The following AGBL4 variants were observed in gnomAD, a reference collection of about 807,000 sequenced individuals.
The protein encoded by AGBL4 is cytosolic carboxypeptidase 6.
AGBL4 carries 58 observed loss-of-function variants against 66.4 expected under a neutral mutation model. The ratio of observed to expected loss-of-function variants is 0.87; its 90% CI spans 0.71 to 1.09. The LOEUF (loss-of-function observed/expected upper bound fraction) is 1.09. Among genes scored for constraint, AGBL4 ranks in the 50% least tolerant of loss-of-function variants. The probability of loss-of-function intolerance (pLI) is 0.00; values close to 1 mark genes in which losing one functional copy is unlikely to be tolerated. For missense variants in AGBL4, 579 were observed against 631.0 expected, an observed-to-expected ratio of 0.92 and a Z score of 0.88; for synonymous variants, 234 against 222.9, an observed-to-expected ratio of 1.05 and a Z score of -0.44.
intron 3 of AGBL4, among the ~76,000 whole-genome samples, chr1:49,552,614 C>G (rs956901895): frequency 1.3e-5 from 2 of 152,196 alleles, no homozygotes; most frequent in Non-Finnish European, 2.9e-5. Context: ...GAGGCTCTCC[C>G]TCTCCCACCT....
intron 5 of AGBL4, among the ~76,000 whole-genome samples, chr1:48,894,464 C>T (rs1314011635): frequency 6.6e-6 from 1 of 152,162 alleles, no homozygotes; most frequent in African/African-American, 2.4e-5. Context: ...AAGTCATCTT[C>T]AGGGGCCCCA....
chr1:49,512,543 G>T (rs1649366515), intron 3 of AGBL4, among the ~76,000 whole-genome samples: 1 of 151,574 alleles, frequency 6.6e-6, no homozygotes. Flanking sequence ...GGCATTTCCT[G>T]CCACCCCCCC....
intron 1 of AGBL4, among the ~76,000 whole-genome samples, chr1:50,022,379 A>G (rs990567375): frequency 1.3e-5 from 2 of 152,224 alleles, no homozygotes; most frequent in African/African-American, 4.8e-5. Flanking sequence ...TGCCAGGCAT[A>G]TAGTTAGCAC....
intron 3 of AGBL4, among the ~76,000 whole-genome samples, chr1:49,399,642 T>C (rs1316867241): frequency 6.6e-6 from 1 of 152,180 alleles, no homozygotes; most frequent in Admixed American, 6.5e-5. Flanking sequence ...TTGTATGTCT[T>C]CTTTTCAGAA....
At chr1:49,714,351 T>A (rs1571387978) in intron 2 of AGBL4, among the ~76,000 whole-genome samples, 1 of 151,920 alleles carries the variant, frequency 6.6e-6, no homozygotes, top group African/African-American at 2.4e-5. Flanking sequence ...CTCGTCCCCC[T>A]CCAAAGCATC....
chr1:49,567,589 T>G (rs1390462538), intron 3 of AGBL4, among the ~76,000 whole-genome samples: 5 of 152,222 alleles, frequency 3.3e-5, no homozygotes, highest in African/African-American at 9.6e-5. Context: ...TTTGTTATTT[T>G]TCAGTTCCTG....
Position 49,802,923 on chromosome 1 carries a change from T to TA in AGBL4, c.157+48472dup, listed in dbSNP as rs148567988. ...ATAGTCATTGCCCTAGCAAAGCACATAAAAATAAACTTTTCATTTGTAACT... is the reference window on the plus strand; with the variant it reads ...ATAGTCATTGCCCTAGCAAAGCACATAAAAAATAAACTTTTCATTTGTAACT... On this transcript the variant is annotated intron_variant, in intron 2 of 13. Transcript: ENST00000371839. 2.7e-3 allele frequency among the ~76,000 whole-genome samples: 407 copies of TA among 152,296 alleles called. 1 individual carries two copies. Among genetic ancestry groups the TA allele is most frequent in the African/African-American group, 9.2e-3 (384 of 41,580 alleles).
At chr1:49,837,059 G>T (rs774282814) in intron 2 of AGBL4, among the ~76,000 whole-genome samples, 2 of 152,218 alleles carry the variant, frequency 1.3e-5, no homozygotes, top group Non-Finnish European at 2.9e-5. Flanking sequence ...GAGGCAGTCT[G>T]CCCCTTAGCA....
At chr1:49,892,023 C>G (rs1648707547) in intron 1 of AGBL4, among the ~76,000 whole-genome samples, 1 of 152,064 alleles carries the variant, frequency 6.6e-6, no homozygotes, top group Non-Finnish European at 1.5e-5. Flanking sequence ...TGATCTGGAA[C>G]TAAAAAAACA....
rs373228456 is a variant in AGBL4 at position 49,761,071 on chromosome 1, A to C, written c.158-63634T>G. On this transcript the variant is annotated intron_variant, in intron 2 of 13. Coordinates refer to ENST00000371839, the MANE Select transcript of AGBL4 (RefSeq NM_032785.4). The stretch of plus-strand genomic sequence containing the variant: ...TAGAGGATGGGTCAATAGGTGCAGC[A>C]AACCACCATGGCAAACGTATACCTA... 2.0e-5 allele frequency among the ~76,000 whole-genome samples: 3 copies of C among 151,604 alleles called. No homozygotes were observed. The East Asian group carries it at 5.8e-4, about 29-fold the overall frequency.
At chr1:49,615,901 A>T (rs10888663) in intron 3 of AGBL4, among the ~76,000 whole-genome samples, 3 of 152,090 alleles carry the variant, frequency 2.0e-5, no homozygotes, top group Admixed American at 2.0e-4. Flanking sequence ...TCCCTTAGCT[A>T]GAAAAGAAAA....
At chr1:49,964,833 A>G (rs1299014071) in intron 1 of AGBL4, among the ~76,000 whole-genome samples, 2 of 152,178 alleles carry the variant, frequency 1.3e-5, no homozygotes, top group Non-Finnish European at 2.9e-5. Context: ...GGTTAAGATG[A>G]CTTAACTCTA....
intron 2 of AGBL4, among the ~76,000 whole-genome samples, chr1:49,736,519 T>A (rs1649902987): frequency 6.6e-6 from 1 of 151,946 alleles, no homozygotes; most frequent in Admixed American, 6.6e-5. Context: ...AAAAGGGAAA[T>A]TTCAAAACAT....
intron 5 of AGBL4, among the ~76,000 whole-genome samples, chr1:49,034,558 C>G (rs1359850721): frequency 6.6e-6 from 1 of 152,114 alleles, no homozygotes; most frequent in Non-Finnish European, 1.5e-5. Flanking sequence ...CTACCCAACT[C>G]TCACCTGGAA....
At chr1:49,407,963 T>G (rs1015416839) in intron 3 of AGBL4, among the ~76,000 whole-genome samples, 3 of 152,184 alleles carry the variant, frequency 2.0e-5, no homozygotes, top group Non-Finnish European at 4.4e-5. Context: ...ATTCCCTCAG[T>G]CTACAGTTGG....
intron 5 of AGBL4, among the ~76,000 whole-genome samples, chr1:48,885,862 T>A (rs951549380): frequency 3.3e-5 from 5 of 152,158 alleles, no homozygotes; most frequent in African/African-American, 1.2e-4. Context: ...CGTCTCCCAT[T>A]TCCATGGGTT....
intron 5 of AGBL4, among the ~76,000 whole-genome samples, chr1:48,959,508 A>G (rs1657777627): frequency 1.3e-5 from 2 of 152,198 alleles, no homozygotes; most frequent in Admixed American, 1.3e-4. Flanking sequence ...TAAAAAATTG[A>G]CACAAAGGAC....
At chr1:49,490,306 T>C (rs1294824466) in intron 3 of AGBL4, among the ~76,000 whole-genome samples, 2 of 151,838 alleles carry the variant, frequency 1.3e-5, no homozygotes, top group African/African-American at 4.8e-5. Context: ...AATCTGTTAA[T>C]GTTGTAACTT....
chr1:49,650,796 C>T (rs375898602), intron 3 of AGBL4, among the ~76,000 whole-genome samples: 1 of 152,138 alleles, frequency 6.6e-6, no homozygotes, highest in Non-Finnish European at 1.5e-5. Flanking sequence ...ATCTGTGAAG[C>T]GGGTGGTACT....
Sources: allele counts gnomAD v4.1 joint callset (sites outside exome capture counted in the v4.1 genomes callset), GRCh38; gene constraint gnomAD v4.1.1; transcripts MANE v1.5; gene names NCBI Gene and HGNC (gene_info 2026-07-23, HGNC 2026-07-21).